RBM26: variants seen among roughly 807,000 people sequenced by gnomAD.
RBM26 encodes the protein RNA binding motif protein 26, also known as RNA-binding protein 26.
RBM26 carries 30 observed loss-of-function variants against 123.6 expected under a neutral mutation model. The ratio of observed to expected loss-of-function variants is 0.24; its 90% CI spans 0.18 to 0.33. The LOEUF (loss-of-function observed/expected upper bound fraction) is 0.33. Ranked by LOEUF, RBM26 falls within the 10% of genes least tolerant of loss-of-function variation. The probability of loss-of-function intolerance (pLI) is 1.00; values close to 1 mark genes in which losing one functional copy is unlikely to be tolerated. For synonymous variants in RBM26, 400 were observed against 404.4 expected (o/e 0.99, Z 0.13); for missense variants, 947 against 1,203.6 (o/e 0.79, Z 3.15).
rs113414655 is a variant in RBM26, at chr13:79,358,098, G to A, written c.1689+176C>T. Among the ~76,000 whole-genome samples, 184 of 152,238 alleles carry A rather than the reference G, an allele frequency of 1.2e-3. 2 individuals are homozygous for A. Among genetic ancestry groups the A allele is most frequent in the African/African-American group, 4.2e-3 (174 of 41,558 alleles). On this transcript the variant is annotated intron_variant, in intron 11 of 21. Coordinates refer to ENST00000438737, the MANE Select transcript of RBM26 (RefSeq NM_001366735.2). ...GGGTTTCACCAGGTTGGCCAGGCTA[G>A]TCTCGAATTCCTCACCTCAGGTGAT... is the stretch of plus-strand genomic sequence containing the variant.
Position 79,368,902 on chromosome 13 carries a change from A to C in RBM26, c.723T>G (p.Ile241Met). 1 of 1,612,832 alleles carries C rather than the reference A, an allele frequency of 6.2e-7. No homozygotes were observed. Among genetic ancestry groups the C allele is most frequent in the Non-Finnish European group, 8.5e-7 (1 of 1,178,830 alleles). Residue 241 changes from isoleucine to methionine, a missense_variant, in exon 6 of 22, where the codon ATT becomes ATG. By Grantham distance (10) the Ile-to-Met change is conservative (BLOSUM62 1). This residue lies in a region of RBM26 where 275 missense variants were observed against 361.0 expected (regional missense o/e 0.76). Transcript: ENST00000438737. The stretch of plus-strand genomic sequence containing the variant: ...TAGGTACAGGGTAGTGGCCAGATGA[A>C]ATACTAGGTACCGAAGAGACTGGAG... ...NYTPVSSVPS[I>M]SSGHYPVPTL...
At chr13:79,327,445 T>C (rs2068609407) in intron 20 of RBM26, among the ~76,000 whole-genome samples, 1 of 152,140 alleles carries the variant, frequency 6.6e-6, no homozygotes, top group Non-Finnish European at 1.5e-5. Context: ...GTCACTATTA[T>C]TATCGATGTT....
At chr13:79,370,619 G>A (rs1251336305) in intron 5 of RBM26, among the ~76,000 whole-genome samples, 2 of 152,182 alleles carry the variant, frequency 1.3e-5, no homozygotes, top group African/African-American at 4.8e-5. Context: ...TAGAATAGCG[G>A]ACCCATATGC....
intron 1 of RBM26, among the ~76,000 whole-genome samples, chr13:79,391,522 C>T (rs2077986402): frequency 6.6e-6 from 1 of 152,140 alleles, no homozygotes; most frequent in Admixed American, 6.5e-5. Flanking sequence ...CTCCTGGGTT[C>T]AAGCAATTCT....
At chr13:79,315,095 A>G (rs2067025999), downstream of RBM26, 1 of 567,280 alleles carries the variant, frequency 1.8e-6, no homozygotes, top group East Asian at 6.8e-5. Flanking sequence ...TAAACATTAA[A>G]AAAGTCTATT....
chr13:79,342,212 T>TA (rs2071507060), intron 17 of RBM26, among the ~76,000 whole-genome samples: 1 of 151,910 alleles, frequency 6.6e-6, no homozygotes, highest in South Asian at 2.1e-4. Flanking sequence ...AAACATTGTA[T>TA]AACCCTGTTT....
chr13:79,337,314 T>G lies in RBM26; in HGVS notation c.2533-12A>C, dbSNP rs374806572. 29 of 1,614,006 alleles carry G rather than the reference T, an allele frequency of 1.8e-5. No individual in the cohort carries two copies. Among genetic ancestry groups the G allele is most frequent in the Non-Finnish European group, 2.3e-5 (27 of 1,179,966 alleles). Reference sequence around the variant, plus strand: ...CCTCGTTTGGCAGCCTAGAAGAGATTAGACACACAGGTTAAACAATGCTGT... The same window carrying G: ...CCTCGTTTGGCAGCCTAGAAGAGATGAGACACACAGGTTAAACAATGCTGT... On this transcript the variant is annotated splice_polypyrimidine_tract_variant and intron_variant, in intron 18 of 21. Transcript: ENST00000438737.
intron 5 of RBM26, 60 bp from the exon 6 acceptor site, chr13:79,369,050 G>T (rs989539136): frequency 1.9e-6 from 2 of 1,079,466 alleles, no homozygotes; most frequent in African/African-American, 1.6e-5. Flanking sequence ...AAAAGTCCCA[G>T]ATCTAAGAAA....
At chr13:79,375,088 A>ATATATATTTATATATCATATAAG (rs2076542355) in intron 3 of RBM26, among the ~76,000 whole-genome samples, 3 of 94,276 alleles carry the variant, frequency 3.2e-5, no homozygotes, top group African/African-American at 1.2e-4. Flanking sequence ...ATATATATAA[A>ATATATATTTATATATCATATAAG]TATATATTTA....
At chr13:79,370,445 T>C (rs2075765161) in intron 5 of RBM26, among the ~76,000 whole-genome samples, 1 of 152,242 alleles carries the variant, frequency 6.6e-6, no homozygotes, top group East Asian at 1.9e-4. Context: ...TTTTTATCCA[T>C]GTTATGGTAT....
At chr13:79,317,395 T>TAAGGTCCC (rs1227727964), downstream of RBM26, among the ~76,000 whole-genome samples, 1 of 151,676 alleles carries the variant, frequency 6.6e-6, no homozygotes, top group African/African-American at 2.4e-5. Context: ...AAAAGGGACC[T>TAAGGTCCC]TAGAGATCAT....
intron 17 of RBM26, 111 bp downstream of exon 17, chr13:79,342,553 T>A (rs1045495428): frequency 1.2e-6 from 1 of 807,212 alleles, no homozygotes; most frequent in African/African-American, 1.8e-5. Flanking sequence ...GTACATACAA[T>A]GGTCAGATTT....
chr13:79,365,504 C>G lies in RBM26; in HGVS notation c.1417+74G>C, dbSNP rs939569743. ...TATCCAACCCCAATAAAGGCAAGAC[C>G]AACTGTTCTTTATAAATGTTTTCCC... On this transcript the variant is annotated intron_variant, in intron 9 of 21. Transcript: ENST00000438737. 9.9e-6 allele frequency: 12 copies of G among 1,213,580 alleles called. No homozygotes were observed. The East Asian group carries it at 2.4e-4, about 24-fold the overall frequency. 75.2% of individuals were successfully genotyped at this position (1,213,580 alleles called of 1,614,324 possible). A position where few individuals can be genotyped will look rare whatever the true frequency, so the allele number is the denominator to read the frequency against.
intron 1 of RBM26, among the ~76,000 whole-genome samples, chr13:79,382,766 G>A (rs982487869): frequency 2.6e-5 from 4 of 152,146 alleles, no homozygotes; most frequent in Admixed American, 2.6e-4. Context: ...CTGAGAACTA[G>A]ACAGGAAAGA....
chr13:79,383,399 C>G (rs2077223855), intron 1 of RBM26, among the ~76,000 whole-genome samples: 1 of 152,076 alleles, frequency 6.6e-6, no homozygotes, highest in South Asian at 2.1e-4. Context: ...TACAAAAGAT[C>G]TGAAACATAT....
At position 79,320,083 on chromosome 13, in the gene RBM26, T is replaced by C; in HGVS notation, c.*538A>G. Reference sequence around the variant, plus strand: ...TAAAGCAGTCATACACCATTATCATTAAAACCCATATGGTAAAATACATAC... The same window carrying C: ...TAAAGCAGTCATACACCATTATCATCAAAACCCATATGGTAAAATACATAC... On this transcript the variant is annotated 3_prime_UTR_variant, in exon 22 of 22. Coordinates refer to ENST00000438737, the MANE Select transcript of RBM26 (RefSeq NM_001366735.2). The C allele has an allele frequency of 1.0e-6, 1 of 978,540 alleles. No individual in the cohort carries two copies. The highest frequency in any genetic ancestry group is 1.2e-6 in the Non-Finnish European group (1 of 824,392). 60.6% of individuals were successfully genotyped at this position (978,540 alleles called of 1,614,324 possible).
chr13:79,358,174 T>C (rs894415300), intron 11 of RBM26, 100 bp downstream of exon 11: 81 of 1,062,918 alleles, frequency 7.6e-5, no homozygotes, highest in Non-Finnish European at 1.0e-4. Context: ...TGAACCACCA[T>C]GCCCAGCCTT....
intron 6 of RBM26, among the ~76,000 whole-genome samples, chr13:79,367,223 A>G (rs2075348610): frequency 2.6e-5 from 4 of 151,540 alleles, no homozygotes; most frequent in South Asian, 4.2e-4. Context: ...CCTGACGAAC[A>G]TGGTGAAACC....
intron 1 of RBM26, among the ~76,000 whole-genome samples, chr13:79,388,921 T>C (rs370262448): frequency 1.3e-5 from 2 of 152,202 alleles, no homozygotes; most frequent in South Asian, 2.1e-4. Flanking sequence ...GTACCTGTTA[T>C]TGCATTTATA....
Sources: gnomAD v4.1 joint callset for allele counts (sites outside exome capture counted in the v4.1 genomes callset) on GRCh38, gnomAD v4.1.1 for gene constraint, gnomAD v4.1.1 regional missense constraint, MANE v1.5 for transcripts, NCBI Gene and HGNC (gene_info 2026-07-23, HGNC 2026-07-21) for gene names.